Variants in LTBP1 observed in about 807,000 individuals in gnomAD.
The protein encoded by LTBP1 is latent transforming growth factor beta binding protein 1.
A neutral mutation model predicts 207.6 loss-of-function variants in LTBP1; 129 were observed. The observed-to-expected ratio is 0.62, with a 90% CI of 0.54 to 0.72. The LOEUF is 0.72. LTBP1 is among the 30% of genes least tolerant of loss of function. The pLI is 0.00. For missense variants in LTBP1, 2,281 were observed against 2,217.2 expected (o/e 1.03, Z -0.58); for synonymous variants, 963 against 833.7 (o/e 1.16, Z -2.67).
intron 2 of LTBP1, among the ~76,000 whole-genome samples, chr2:32,957,145 C>T (rs1034024171): frequency 1.3e-5 from 2 of 152,214 alleles, no homozygotes; most frequent in African/African-American, 4.8e-5. Flanking sequence ...TTGGCTTCAA[C>T]TTAAAGTCAC....
chr2:33,316,728 T>G (rs1419832248), intron 24 of LTBP1, among the ~76,000 whole-genome samples: 1 of 152,198 alleles, frequency 6.6e-6, no homozygotes, highest in African/African-American at 2.4e-5. Context: ...GACCAGAGCT[T>G]TTAGCAAAGA....
chr2:33,216,636 C>T (rs2090724184), intron 7 of LTBP1, among the ~76,000 whole-genome samples: 1 of 152,162 alleles, frequency 6.6e-6, no homozygotes, highest in Non-Finnish European at 1.5e-5. Flanking sequence ...AGAATAACCC[C>T]TTGGATGCTC....
intron 2 of LTBP1, among the ~76,000 whole-genome samples, chr2:32,956,291 A>G (rs1453906447): frequency 6.6e-6 from 1 of 152,172 alleles, no homozygotes; most frequent in Non-Finnish European, 1.5e-5. Context: ...ATAGCATTTG[A>G]CCTACTGTAT....
chr2:33,258,735 A>C (rs2092929294), intron 12 of LTBP1, among the ~76,000 whole-genome samples: 1 of 152,170 alleles, frequency 6.6e-6, no homozygotes, highest in South Asian at 2.1e-4. Context: ...CTCCAACCCC[A>C]AGAATATTGC....
chr2:33,242,739 C>T (rs536128658), intron 9 of LTBP1, among the ~76,000 whole-genome samples: 52 of 151,296 alleles, frequency 3.4e-4, no homozygotes, highest in African/African-American at 1.2e-3. Flanking sequence ...ATTGTTCTCA[C>T]TGTCACCAGC....
chr2:33,228,866 A>AT (rs576729315), intron 9 of LTBP1, among the ~76,000 whole-genome samples: 3,430 of 151,222 alleles, frequency 0.023, 67 homozygotes, highest in Non-Finnish European at 0.037. Context: ...CACCCGGCTA[A>AT]TTTTTTGTAT....
intron 6 of LTBP1, among the ~76,000 whole-genome samples, chr2:33,188,288 G>T: frequency 6.6e-6 from 1 of 151,988 alleles, no homozygotes; most frequent in Admixed American, 6.6e-5. Context: ...AGGCATGGTG[G>T]TGGGCACCTG....
At chr2:33,287,364 T>C (rs2093686838) in intron 19 of LTBP1, among the ~76,000 whole-genome samples, 2 of 152,244 alleles carry the variant, frequency 1.3e-5, no homozygotes, top group Non-Finnish European at 2.9e-5. Context: ...TCCAGTGTTT[T>C]GTTCTGTACA....
chr2:32,962,669 GC>G (rs1194208949), intron 2 of LTBP1, among the ~76,000 whole-genome samples: 1 of 152,222 alleles, frequency 6.6e-6, no homozygotes, highest in African/African-American at 2.4e-5. Flanking sequence ...AGTTTGGAAT[GC>G]TTTGTTTTGA....
chr2:33,206,719 A>G (rs1249980303), intron 7 of LTBP1, among the ~76,000 whole-genome samples: 2 of 150,746 alleles, frequency 1.3e-5, no homozygotes, highest in Non-Finnish European at 2.9e-5. Flanking sequence ...AGCCTGGGCG[A>G]CAGAGCAAGA....
At chr2:33,250,782 C>G (rs1003594181) in intron 10 of LTBP1, among the ~76,000 whole-genome samples, 3 of 152,190 alleles carry the variant, frequency 2.0e-5, no homozygotes, top group African/African-American at 7.2e-5. Context: ...CACCTGAGCA[C>G]TCCTCTCAGA....
chr2:33,241,773 A>G (rs368437965), intron 9 of LTBP1, among the ~76,000 whole-genome samples: 60 of 152,344 alleles, frequency 3.9e-4, no homozygotes, highest in Admixed American at 3.8e-3. Context: ...CTTGGGACAT[A>G]TAATAGGGCT....
chr2:33,237,561 A>G (rs191472152), intron 9 of LTBP1, among the ~76,000 whole-genome samples: 1 of 152,372 alleles, frequency 6.6e-6, no homozygotes, highest in African/African-American at 2.4e-5. Flanking sequence ...GTATGTGTGC[A>G]TTAAATAATT....
intron 15 of LTBP1, among the ~76,000 whole-genome samples, chr2:33,266,866 G>A (rs1434367292): frequency 6.6e-6 from 1 of 152,168 alleles, no homozygotes; most frequent in Non-Finnish European, 1.5e-5. Flanking sequence ...CCAAATGGTG[G>A]TACTGAAAGA....
At chr2:33,149,218 C>CACAAAAAA (rs1558707184) in intron 5 of LTBP1, among the ~76,000 whole-genome samples, 7 of 41,376 alleles carry the variant, frequency 1.7e-4, no homozygotes, top group South Asian at 8.3e-4. Context: ...CCGTCTCACT[C>CACAAAAAA]ACAAAAAAAC....
intron 7 of LTBP1, among the ~76,000 whole-genome samples, chr2:33,215,302 A>G (rs969288245): frequency 6.6e-6 from 1 of 152,182 alleles, no homozygotes; most frequent in African/African-American, 2.4e-5. Flanking sequence ...TGTCTAAGAT[A>G]ATGCGTGTAA....
At chr2:33,375,997 TTA>T in intron 31 of LTBP1, among the ~76,000 whole-genome samples, 1 of 152,312 alleles carries the variant, frequency 6.6e-6, no homozygotes, top group Admixed American at 6.5e-5. Flanking sequence ...TGTTGACTGT[TTA>T]TATGTCTCAA....
At position 33,150,710 on chromosome 2, in the gene LTBP1, C is replaced by CTTTTTTTTTTTTTTT. The variant is rs1176008947; in HGVS notation, c.1201+15762_1201+15776dup. Reference sequence around the variant, plus strand: ...CTTTTCTTTTTTCTTTTTTCTTTTTCTTTTTTTTTTTTTTTTTTTTTTTTT... The same window carrying CTTTTTTTTTTTTTTT: ...CTTTTCTTTTTTCTTTTTTCTTTTTCTTTTTTTTTTTTTTTTTTTTTTTTTTTTTTTTTTTTTTTT... On this transcript the variant is annotated intron_variant, in intron 5 of 33. Coordinates refer to ENST00000404816, the MANE Select transcript of LTBP1 (RefSeq NM_206943.4). 3.3e-4 allele frequency among the ~76,000 whole-genome samples: 23 copies of CTTTTTTTTTTTTTTT among 69,282 alleles called. 1 individual carries two copies. The highest frequency in any genetic ancestry group is 8.7e-4 in the East Asian group (2 of 2,304). The allele number at this position is 69,282 out of a possible 152,430, so 45.5% of individuals were successfully genotyped here.
chr2:32,993,204 A>T (rs1305771674), intron 2 of LTBP1, among the ~76,000 whole-genome samples: 1 of 152,002 alleles, frequency 6.6e-6, no homozygotes, highest in Non-Finnish European at 1.5e-5. Context: ...AGGGTCCTTG[A>T]TCATGTAGAG....
Sources: gnomAD v4.1 joint callset for allele counts (sites outside exome capture counted in the v4.1 genomes callset) on GRCh38, gnomAD v4.1.1 for gene constraint, MANE v1.5 for transcripts, NCBI Gene and HGNC (gene_info 2026-07-23, HGNC 2026-07-21) for gene names.